The following ZCWPW2 variants were observed in gnomAD, a reference collection of about 807,000 sequenced individuals.
ZCWPW2 encodes the protein zinc finger CW-type and PWWP domain containing 2, also known as zinc finger CW-type PWWP domain protein 2.
Under a neutral mutation model 46.6 loss-of-function variants are expected in ZCWPW2, and 45 were observed. That is an observed-to-expected ratio of 0.96 (90% CI 0.76 to 1.24). The LOEUF (loss-of-function observed/expected upper bound fraction) is 1.24, where lower values mean the gene tolerates loss of function less well. Among genes scored for constraint, ZCWPW2 ranks in the 50% most tolerant of loss-of-function variants. The probability of loss-of-function intolerance (pLI) is 0.00; values close to 1 mark genes in which losing one functional copy is unlikely to be tolerated. For missense variants in ZCWPW2, 429 were observed against 403.9 expected (o/e 1.06, Z -0.53); for synonymous variants, 152 against 137.1 (o/e 1.11, Z -0.76).
At chr3:28,434,042 CA>C (rs1337009119) in intron 3 of ZCWPW2, among the ~76,000 whole-genome samples, 7 of 151,586 alleles carry the variant, frequency 4.6e-5, no homozygotes, top group Admixed American at 6.6e-5. Context: ...AAATATTGAG[CA>C]AATATATTAC....
At chr3:28,383,379 C>A (rs2125712047) in intron 1 of ZCWPW2, among the ~76,000 whole-genome samples, 1 of 152,014 alleles carries the variant, frequency 6.6e-6, no homozygotes, top group South Asian at 2.1e-4. Context: ...GATTACATTT[C>A]TTGTTATCCG....
rs766781568 is a variant in ZCWPW2, at chr3:28,435,257, T to C, written c.480T>C (p.Ser160=). 6.2e-7 allele frequency: 1 copy of C among 1,609,812 alleles called. No homozygotes were observed. The highest frequency in any genetic ancestry group is 8.5e-7 in the Non-Finnish European group (1 of 1,179,120). ...AGGCAACATTCGTTGGACATTATAG[T>C]ATCACATTAAAGGTAGGTATCATAA... is the stretch of plus-strand genomic sequence containing the variant. ...WIKATFVGHY[S]ITLKPEKCKN... The change falls in exon 4 of 10, where the codon AGT becomes AGC. Residue 160 remains serine (S), a synonymous_variant. Coordinates refer to ENST00000383768, the MANE Select transcript of ZCWPW2 (RefSeq NM_001040432.4).
intron 4 of ZCWPW2, among the ~76,000 whole-genome samples, chr3:28,470,328 C>T (rs914719723): frequency 1.3e-5 from 2 of 151,870 alleles, no homozygotes; most frequent in African/African-American, 2.4e-5. Flanking sequence ...AAAACCCCAT[C>T]TCTATGAAAA....
chr3:28,424,892 A>T (rs1447566066), intron 3 of ZCWPW2, among the ~76,000 whole-genome samples: 1 of 152,210 alleles, frequency 6.6e-6, no homozygotes, highest in African/African-American at 2.4e-5. Context: ...AAAAGACATG[A>T]ATATGAACAC....
chr3:28,498,114 T>C (rs1297334148), intron 6 of ZCWPW2, among the ~76,000 whole-genome samples: 2 of 151,972 alleles, frequency 1.3e-5, no homozygotes, highest in Non-Finnish European at 2.9e-5. Flanking sequence ...GGGCCTAAGA[T>C]AAATAATAAA....
chr3:28,466,738 G>T (rs941947797), intron 4 of ZCWPW2, among the ~76,000 whole-genome samples: 1 of 152,126 alleles, frequency 6.6e-6, no homozygotes, highest in African/African-American at 2.4e-5. Flanking sequence ...GGTGGAAGTT[G>T]CAGTGAGCCG....
intron 4 of ZCWPW2, among the ~76,000 whole-genome samples, chr3:28,438,845 A>C (rs190114719): frequency 1.9e-3 from 291 of 152,176 alleles, no homozygotes; most frequent in African/African-American, 6.6e-3. Context: ...AAAACCTATA[A>C]GAAAACCAAA....
Position 28,515,065 on chromosome 3 carries a change from A to G in ZCWPW2, c.717-489A>G, listed in dbSNP as rs553073143. ...GAAGAATCCCTAGCTTGGAGAAGTT[A>G]GTGACTTTCTCAAGACCTTATGGTT... is the stretch of plus-strand genomic sequence containing the variant. On this transcript the variant is annotated intron_variant, in intron 7 of 9. Transcript: ENST00000383768. 6.6e-5 allele frequency among the ~76,000 whole-genome samples: 10 copies of G among 152,360 alleles called. No homozygotes were observed. The South Asian group carries it at 2.1e-3, about 32-fold the overall frequency.
At chr3:28,433,478 G>A (rs1251577334) in intron 3 of ZCWPW2, among the ~76,000 whole-genome samples, 1 of 152,066 alleles carries the variant, frequency 6.6e-6, no homozygotes, top group Non-Finnish European at 1.5e-5. Flanking sequence ...TTTAAATAAA[G>A]AAAACAGGCT....
At chr3:28,390,323 T>C (rs1458092794) in intron 1 of ZCWPW2, among the ~76,000 whole-genome samples, 175 bp from the exon 2 acceptor site, 1 of 152,234 alleles carries the variant, frequency 6.6e-6, no homozygotes, top group East Asian at 1.9e-4. Flanking sequence ...ACTATTACCA[T>C]ATGAGTATGT....
intron 1 of ZCWPW2, among the ~76,000 whole-genome samples, chr3:28,376,542 A>G (rs1705505158): frequency 6.6e-6 from 1 of 152,092 alleles, no homozygotes; most frequent in Non-Finnish European, 1.5e-5. Flanking sequence ...TATGTCTGGC[A>G]GATTGTGGGA....
chr3:28,349,854 CTGTCAGCCCAAT>C (rs1427856607), intron 1 of ZCWPW2, among the ~76,000 whole-genome samples: 3 of 152,198 alleles, frequency 2.0e-5, no homozygotes, highest in African/African-American at 4.8e-5. Flanking sequence ...ATCAGCCCAA[CTGTCAGCCCAAT>C]AGGATGGATT....
At chr3:28,514,373 C>T (rs893722545) in intron 7 of ZCWPW2, among the ~76,000 whole-genome samples, 8 of 152,006 alleles carry the variant, frequency 5.3e-5, no homozygotes, top group East Asian at 2.0e-4. Flanking sequence ...AATAAAAACA[C>T]GTTAAAGTTG....
In ZCWPW2 at chr3:28,474,803, ATTTGTTGTTG is replaced by A. The variant is rs1330829626; in HGVS notation, c.493-4008_493-3999del. ...AGTCTCATGTCAGTATGTCTGAACT[ATTTGTTGTTG>A]TTGTTGTTGTTGTTGTTGTTGTTGT... On this transcript the variant is annotated intron_variant, in intron 4 of 9. Transcript: ENST00000383768. Among the ~76,000 whole-genome samples, 49 of 89,704 alleles carry A rather than the reference ATTTGTTGTTG, an allele frequency of 5.5e-4. 1 individual carries two copies. Among genetic ancestry groups the A allele is most frequent in the African/African-American group, 7.7e-4 (19 of 24,784 alleles). The allele number at this position is 89,704 out of a possible 152,430, so 58.8% of individuals were successfully genotyped here. A position where few individuals can be genotyped will look rare whatever the true frequency, so the allele number is the denominator to read the frequency against.
At chr3:28,365,218 T>C (rs2125696590) in intron 1 of ZCWPW2, among the ~76,000 whole-genome samples, 1 of 147,298 alleles carries the variant, frequency 6.8e-6, no homozygotes, top group East Asian at 1.9e-4. Context: ...ATGAAGTCCT[T>C]GCCCATGCTT....
At chr3:28,362,311 T>TA (rs35735071) in intron 1 of ZCWPW2, among the ~76,000 whole-genome samples, 33,652 of 151,874 alleles carry the variant, frequency 0.22, 4,273 homozygotes, top group Middle Eastern at 0.29. Context: ...ATTATATTAT[T>TA]AAAAAAATAG....
At chr3:28,393,132 T>C (rs976981228) in intron 2 of ZCWPW2, among the ~76,000 whole-genome samples, 10 of 151,802 alleles carry the variant, frequency 6.6e-5, no homozygotes, top group African/African-American at 1.7e-4. Flanking sequence ...ACAGATACCA[T>C]AGAAATACAA....
intron 1 of ZCWPW2, among the ~76,000 whole-genome samples, chr3:28,383,108 G>A (rs1695158575): frequency 6.6e-6 from 1 of 152,016 alleles, no homozygotes; most frequent in Admixed American, 6.6e-5. Context: ...ATATACAGAG[G>A]TAACTTGACT....
intron 4 of ZCWPW2, chr3:28,461,586 C>T (rs1181148340): frequency 6.6e-6 from 1 of 152,136 alleles, no homozygotes; most frequent in Non-Finnish European, 1.5e-5. Context: ...TCATTTTCAT[C>T]TCCAGTTTCC....
Sources: allele counts gnomAD v4.1 joint callset (sites outside exome capture counted in the v4.1 genomes callset), GRCh38; gene constraint gnomAD v4.1.1; transcripts MANE v1.5; gene names NCBI Gene and HGNC (gene_info 2026-07-23, HGNC 2026-07-21).